PARD3B: variants seen among roughly 807,000 people sequenced by gnomAD.
The protein encoded by PARD3B is par-3 family cell polarity regulator beta.
A neutral mutation model predicts 130.2 loss-of-function variants in PARD3B; 103 were observed. The ratio of observed to expected loss-of-function variants is 0.79; its 90% CI spans 0.67 to 0.93. PARD3B has a LOEUF of 0.93. PARD3B is among the 40% of genes least tolerant of loss of function. The pLI, the probability that PARD3B is intolerant of heterozygous loss-of-function variation, is 0.00. For synonymous variants in PARD3B, 583 were observed against 553.2 expected (o/e 1.05, Z -0.76); for missense variants, 1,609 against 1,499.2 (o/e 1.07, Z -1.21).
At chr2:205,432,201 T>A (rs759117942) in intron 19 of PARD3B, among the ~76,000 whole-genome samples, 4 of 152,212 alleles carry the variant, frequency 2.6e-5, no homozygotes, top group Non-Finnish European at 5.9e-5. Flanking sequence ...GATACACCTG[T>A]ATGGACAACC....
At chr2:204,731,928 G>C (rs1420293167) in intron 2 of PARD3B, among the ~76,000 whole-genome samples, 2 of 152,032 alleles carry the variant, frequency 1.3e-5, no homozygotes, top group African/African-American at 4.8e-5. Context: ...ACCCGTTTTA[G>C]CTCATCAAAA....
chr2:205,295,787 G>A (rs1393023568), intron 16 of PARD3B, among the ~76,000 whole-genome samples: 1 of 152,090 alleles, frequency 6.6e-6, no homozygotes, highest in Non-Finnish European at 1.5e-5. Context: ...TATAGCCTAA[G>A]GAGAAGGGCA....
intron 2 of PARD3B, among the ~76,000 whole-genome samples, chr2:204,765,241 G>A (rs1011328283): frequency 1.3e-5 from 2 of 152,200 alleles, no homozygotes; most frequent in African/African-American, 4.8e-5. Context: ...CTGAGAGGTT[G>A]TTTGAAAAAT....
At chr2:205,048,793 A>G (rs1698988325) in intron 4 of PARD3B, among the ~76,000 whole-genome samples, 1 of 152,188 alleles carries the variant, frequency 6.6e-6, no homozygotes, top group Non-Finnish European at 1.5e-5. Flanking sequence ...TTTATTATTA[A>G]AAGAAAGCAG....
chr2:204,974,334 G>A (rs1691958572), intron 3 of PARD3B, among the ~76,000 whole-genome samples: 1 of 151,974 alleles, frequency 6.6e-6, no homozygotes, highest in South Asian at 2.1e-4. Context: ...GTGTGATCGG[G>A]GAAAATGGGT....
chr2:204,670,655 A>G (rs1462768069), intron 1 of PARD3B, among the ~76,000 whole-genome samples: 2 of 152,168 alleles, frequency 1.3e-5, no homozygotes, highest in African/African-American at 4.8e-5. Flanking sequence ...AACTCAAGCT[A>G]TACGTTTTTT....
chr2:205,045,975 T>C (rs1698748423), intron 3 of PARD3B, among the ~76,000 whole-genome samples: 2 of 152,170 alleles, frequency 1.3e-5, no homozygotes, highest in Admixed American at 1.3e-4. Flanking sequence ...CCATTCAAGA[T>C]TATCAACTTG....
chr2:205,301,262 G>A lies in PARD3B; in HGVS notation c.2393-202G>A, dbSNP rs942193151. On this transcript the variant is annotated intron_variant, in intron 17 of 22. Coordinates refer to ENST00000406610, the MANE Select transcript of PARD3B (RefSeq NM_001302769.2). This position sits in a 1 kb window ranked among gnomAD's most constrained non-coding sequence, Gnocchi z 5.2. The stretch of plus-strand genomic sequence containing the variant: ...CATACTACCAGCTAAGCAACCGGTT[G>A]TCCCCACTCCCAGCATCAAGTCTTG... Among the ~76,000 whole-genome samples, 16 of 152,170 alleles carry A rather than the reference G, an allele frequency of 1.1e-4. No individual in the cohort carries two copies. The highest frequency in any genetic ancestry group is 3.6e-4 in the African/African-American group (15 of 41,446).
chr2:205,482,838 GA>G (rs2049295307), intron 20 of PARD3B: 2 of 152,142 alleles, frequency 1.3e-5, no homozygotes, highest in African/African-American at 2.4e-5. Flanking sequence ...TGATTTTAGA[GA>G]AACAATCTAT....
chr2:205,094,888 G>A (rs140747710), intron 4 of PARD3B, among the ~76,000 whole-genome samples: 15 of 152,256 alleles, frequency 9.9e-5, no homozygotes, highest in Non-Finnish European at 1.3e-4. Context: ...GAAATGCTTG[G>A]TAATTGCTGA....
chr2:205,119,047 G>T lies in PARD3B; in HGVS notation c.806+1G>T. On this transcript the variant is annotated splice_donor_variant, in intron 7 of 22. Transcript: ENST00000406610. LOFTEE classifies it high-confidence loss of function. ...ATCTCGTAGACAAAACCTTTGCTCA[G>T]TAAGCATTTTTTCATTGTTTTATTT... 2 of 1,595,350 alleles carry T rather than the reference G, an allele frequency of 1.3e-6. No homozygotes were observed. The highest frequency in any genetic ancestry group is 1.7e-6 in the Non-Finnish European group (2 of 1,173,514).
intron 2 of PARD3B, among the ~76,000 whole-genome samples, chr2:204,698,398 TC>T (rs1327128696): frequency 6.6e-6 from 1 of 152,144 alleles, no homozygotes; most frequent in African/African-American, 2.4e-5. Flanking sequence ...GAATTACACA[TC>T]TTAAAATCTG....
At chr2:204,760,100 C>A (rs934679808) in intron 2 of PARD3B, among the ~76,000 whole-genome samples, 1 of 152,022 alleles carries the variant, frequency 6.6e-6, no homozygotes, top group East Asian at 1.9e-4. Context: ...AATAGTCTAA[C>A]AGGCATTATA....
intron 3 of PARD3B, among the ~76,000 whole-genome samples, chr2:204,995,139 A>G (rs2125254065): frequency 6.6e-6 from 1 of 152,118 alleles, no homozygotes; most frequent in Admixed American, 6.5e-5. Context: ...TTAGCTGGTG[A>G]TTTTGCTCAT....
chr2:205,417,620 T>C (rs181641004), intron 19 of PARD3B, among the ~76,000 whole-genome samples: 47 of 152,326 alleles, frequency 3.1e-4, no homozygotes, highest in African/African-American at 1.0e-3. Context: ...AGACTTGTCA[T>C]CTCCATACTC....
chr2:205,318,585 T>C (rs1273128713), intron 18 of PARD3B, among the ~76,000 whole-genome samples: 3 of 152,218 alleles, frequency 2.0e-5, no homozygotes, highest in Admixed American at 6.5e-5. Context: ...TTTCCCTATA[T>C]TGTGATGGGG....
chr2:205,326,173 A>C (rs2042933797), intron 18 of PARD3B, among the ~76,000 whole-genome samples: 1 of 152,172 alleles, frequency 6.6e-6, no homozygotes, highest in Non-Finnish European at 1.5e-5. Context: ...CCTATTAGAA[A>C]ATTACTGTGA....
rs147018351 is a variant in PARD3B at position 205,341,075 on chromosome 2, G to A, written c.2630+39374G>A. 1.5e-3 allele frequency among the ~76,000 whole-genome samples: 230 copies of A among 151,590 alleles called. 2 individuals are homozygous for A. The highest frequency in any genetic ancestry group is 6.6e-3 in the Admixed American group (101 of 15,222). ...ATCTTATCCGAGTTTGAATGGCTATGATCAAAAAAATAAAAAATAAAAAAA... is the reference window on the plus strand; with the variant it reads ...ATCTTATCCGAGTTTGAATGGCTATAATCAAAAAAATAAAAAATAAAAAAA... On this transcript the variant is annotated intron_variant, in intron 18 of 22. Coordinates refer to ENST00000406610, the MANE Select transcript of PARD3B (RefSeq NM_001302769.2). This position sits in a 1 kb window ranked among gnomAD's most constrained non-coding sequence, Gnocchi z 4.3.
chr2:205,039,411 C>T (rs1308281868), intron 3 of PARD3B, among the ~76,000 whole-genome samples: 2 of 152,124 alleles, frequency 1.3e-5, no homozygotes, highest in African/African-American at 4.8e-5. Context: ...CCATACCTTC[C>T]TTTTACCTGT....
Sources: allele counts gnomAD v4.1 joint callset (sites outside exome capture counted in the v4.1 genomes callset), GRCh38; gene constraint gnomAD v4.1.1; non-coding constraint Gnocchi (gnomAD v3.1); transcripts MANE v1.5; gene names NCBI Gene and HGNC (gene_info 2026-07-23, HGNC 2026-07-21).